NDRG3: variants seen among roughly 807,000 people sequenced by gnomAD.
NDRG3 encodes NDRG family member 3.
NDRG3 carries 23 observed loss-of-function variants against 57.2 expected under a neutral mutation model. That is an observed-to-expected ratio of 0.40 (90% CI 0.29 to 0.57). The LOEUF (loss-of-function observed/expected upper bound fraction) is 0.57, where lower values mean the gene tolerates loss of function less well. Ranked by LOEUF, NDRG3 falls within the 20% of genes least tolerant of loss-of-function variation. The pLI is 0.42. For synonymous variants in NDRG3, 132 were observed against 162.6 expected, an observed-to-expected ratio of 0.81 and a Z score of 1.43; for missense variants, 384 against 457.3, an observed-to-expected ratio of 0.84 and a Z score of 1.46.
chr20:36,734,076 A>G (rs749474150), intron 1 of NDRG3, among the ~76,000 whole-genome samples: 1 of 152,138 alleles, frequency 6.6e-6, no homozygotes, highest in Admixed American at 6.6e-5. Flanking sequence ...AAGAGGTGAC[A>G]TGCCTGGGCA....
At chr20:36,666,165 G>A in intron 10 of NDRG3, 124 bp downstream of exon 10, 2 of 699,706 alleles carry the variant, frequency 2.9e-6, no homozygotes, top group South Asian at 3.6e-5. Context: ...AAAGCCAGAA[G>A]GGGCTCACAT....
chr20:36,676,473 TG>T (rs1366588812), intron 8 of NDRG3, among the ~76,000 whole-genome samples: 31 of 152,332 alleles, frequency 2.0e-4, no homozygotes, highest in African/African-American at 7.2e-4. Flanking sequence ...TGTTTTGTTT[TG>T]TTTTTTTGAG....
At chr20:36,673,843 A>G (rs575493600) in intron 8 of NDRG3, among the ~76,000 whole-genome samples, 4 of 151,908 alleles carry the variant, frequency 2.6e-5, no homozygotes, top group South Asian at 4.2e-4. Flanking sequence ...AGTAGCTCAC[A>G]CCTGTAATCC....
chr20:36,693,105 A>AATATATATATAT (rs1290033865), intron 3 of NDRG3, among the ~76,000 whole-genome samples: 20 of 25,854 alleles, frequency 7.7e-4, no homozygotes, highest in Admixed American at 1.7e-3. Context: ...AAAAAAAAAA[A>AATATATATATAT]ATATATATAT....
intron 2 of NDRG3, among the ~76,000 whole-genome samples, chr20:36,708,648 A>C (rs1443483967): frequency 1.9e-5 from 2 of 107,190 alleles, no homozygotes; most frequent in Non-Finnish European, 4.5e-5. Flanking sequence ...ACTCCGTCTC[A>C]AAAAAAAAAA....
At chr20:36,694,686 C>A (rs929640819) in intron 3 of NDRG3, among the ~76,000 whole-genome samples, 2 of 152,158 alleles carry the variant, frequency 1.3e-5, no homozygotes, top group African/African-American at 4.8e-5. Context: ...TATACAACAT[C>A]TCTACACAGT....
chr20:36,663,774 A>G (rs1979395995), intron 12 of NDRG3, among the ~76,000 whole-genome samples: 1 of 152,184 alleles, frequency 6.6e-6, no homozygotes, highest in Non-Finnish European at 1.5e-5. Context: ...AGATTCAAAG[A>G]TTTCCTAAGG....
chr20:36,730,935 C>T (rs1474088735), intron 1 of NDRG3, among the ~76,000 whole-genome samples: 4 of 138,344 alleles, frequency 2.9e-5, no homozygotes, highest in Non-Finnish European at 6.1e-5. Context: ...GAGATGCTGT[C>T]TCGAAAAAAA....
intron 2 of NDRG3, among the ~76,000 whole-genome samples, chr20:36,716,288 T>G (rs1327159127): frequency 6.6e-6 from 1 of 152,062 alleles, no homozygotes; most frequent in African/African-American, 2.4e-5. Context: ...ATCCCAGCAC[T>G]TTGGGAGGCC....
At chr20:36,675,836 C>T (rs1386105591) in intron 8 of NDRG3, among the ~76,000 whole-genome samples, 2 of 152,092 alleles carry the variant, frequency 1.3e-5, no homozygotes, top group Non-Finnish European at 2.9e-5. Context: ...AATAAAGACT[C>T]TTGATACATT....
chr20:36,738,450 ACACCACTT>A (rs1411215372), intron 1 of NDRG3, among the ~76,000 whole-genome samples: 1 of 151,328 alleles, frequency 6.6e-6, no homozygotes, highest in African/African-American at 2.4e-5. Context: ...AGCCGAGATC[ACACCACTT>A]CACCACTTCA....
rs529954829 is a variant in NDRG3, at chr20:36,684,156, G to A, written c.383+257C>T. Among the ~76,000 whole-genome samples, 58 of 152,254 alleles carry A rather than the reference G, an allele frequency of 3.8e-4. No individual in the cohort carries two copies. The South Asian group carries it at 8.9e-3, about 23-fold the overall frequency. On this transcript the variant is annotated intron_variant, in intron 6 of 15. Coordinates refer to ENST00000349004, the MANE Select transcript of NDRG3 (RefSeq NM_032013.4). ...ATTTTTAAATCTTCTAGGTCTCAGC[G>A]TGTGTGCCACCTTCCTAGAGAGGAA...
intron 8 of NDRG3, among the ~76,000 whole-genome samples, chr20:36,674,211 CTTTTT>C (rs1342064570): frequency 1.3e-5 from 2 of 150,984 alleles, no homozygotes; most frequent in Non-Finnish European, 3.0e-5. Context: ...TCTTTTTTTT[CTTTTT>C]TGAGATGGAG....
At chr20:36,720,735 C>A (rs1262084836) in intron 2 of NDRG3, among the ~76,000 whole-genome samples, 1 of 151,586 alleles carries the variant, frequency 6.6e-6, no homozygotes, top group East Asian at 1.9e-4. Flanking sequence ...CACTTGGATT[C>A]TGAGTCAAAC....
intron 1 of NDRG3, among the ~76,000 whole-genome samples, chr20:36,730,720 G>A (rs1985231556): frequency 6.6e-6 from 1 of 151,980 alleles, no homozygotes; most frequent in African/African-American, 2.4e-5. Context: ...GGCCGAGATG[G>A]GAGAATTATT....
At chr20:36,714,038 G>T (rs1984072667) in intron 2 of NDRG3, among the ~76,000 whole-genome samples, 1 of 152,102 alleles carries the variant, frequency 6.6e-6, no homozygotes, top group Non-Finnish European at 1.5e-5. Context: ...AAAATACTCA[G>T]TTTTTCTTTA....
chr20:36,742,820 T>C (rs1985983680), intron 1 of NDRG3, among the ~76,000 whole-genome samples: 1 of 152,172 alleles, frequency 6.6e-6, no homozygotes, highest in East Asian at 1.9e-4. Flanking sequence ...GCGCCATACA[T>C]CCATGCCTTA....
At chr20:36,662,294 C>A (rs1013891504) in intron 12 of NDRG3, among the ~76,000 whole-genome samples, 5 of 150,234 alleles carry the variant, frequency 3.3e-5, no homozygotes, top group African/African-American at 1.2e-4. Flanking sequence ...GTGGCACGAT[C>A]TCAGCTCACT....
At chr20:36,686,365 T>C (rs1304886600) in intron 5 of NDRG3, among the ~76,000 whole-genome samples, 1 of 152,224 alleles carries the variant, frequency 6.6e-6, no homozygotes, top group African/African-American at 2.4e-5. Context: ...ATGGGAATAA[T>C]AGTAAACTTA....
Sources: allele counts gnomAD v4.1 joint callset (sites outside exome capture counted in the v4.1 genomes callset), GRCh38; gene constraint gnomAD v4.1.1; transcripts MANE v1.5; gene names NCBI Gene and HGNC (gene_info 2026-07-23, HGNC 2026-07-21).